The following CUX1 variants were observed in gnomAD, a reference collection of about 807,000 sequenced individuals.
CUX1 encodes the protein protein CASP.
CUX1 carries 31 observed loss-of-function variants against 158.8 expected under a neutral mutation model. The ratio of observed to expected loss-of-function variants is 0.20; its 90% CI spans 0.15 to 0.26. CUX1 has a LOEUF of 0.26. CUX1 is among the 10% of genes least tolerant of loss of function. The probability of loss-of-function intolerance (pLI) is 1.00; values close to 1 mark genes in which losing one functional copy is unlikely to be tolerated. For synonymous variants in CUX1, 879 were observed against 862.1 expected (o/e 1.02, Z -0.34); for missense variants, 1,589 against 2,014.6 (o/e 0.79, Z 4.04).
chr7:101,955,835 A>G (rs975487268), intron 2 of CUX1, among the ~76,000 whole-genome samples: 4 of 151,976 alleles, frequency 2.6e-5, no homozygotes, highest in South Asian at 4.1e-4. Flanking sequence ...AAGAGTCACA[A>G]CTTTTGTTCT....
intron 21 of CUX1, among the ~76,000 whole-genome samples, chr7:102,230,337 T>C (rs1290405450): frequency 2.0e-5 from 3 of 151,558 alleles, no homozygotes; most frequent in South Asian, 2.1e-4. Context: ...TTAAAAATTA[T>C]TATCCAGGCA....
intron 4 of CUX1, among the ~76,000 whole-genome samples, chr7:102,082,422 A>T (rs1554479090): frequency 6.8e-6 from 1 of 146,776 alleles, no homozygotes; most frequent in African/African-American, 2.4e-5. Flanking sequence ...GCTACTCAGG[A>T]GGCTGACGCA....
intron 8 of CUX1, among the ~76,000 whole-genome samples, chr7:102,151,583 A>C (rs1554503610): frequency 6.6e-6 from 1 of 151,758 alleles, no homozygotes; most frequent in African/African-American, 2.4e-5. Context: ...TACAAAAATT[A>C]GCTGTGATTG....
chr7:101,863,766 C>T (rs533761959), intron 1 of CUX1, among the ~76,000 whole-genome samples: 1 of 152,280 alleles, frequency 6.6e-6, no homozygotes, highest in South Asian at 2.1e-4. Context: ...TGCCTTTGAC[C>T]ACTCTAGGTC....
intron 2 of CUX1, among the ~76,000 whole-genome samples, chr7:101,953,700 A>G (rs575250150): frequency 6.0e-4 from 92 of 152,362 alleles, no homozygotes; most frequent in Non-Finnish European, 1.1e-3. Context: ...CTGGATCAGC[A>G]GAGCCTCAGG....
At chr7:102,061,367 G>A (rs1319824160) in intron 3 of CUX1, among the ~76,000 whole-genome samples, 2 of 152,136 alleles carry the variant, frequency 1.3e-5, no homozygotes, top group Non-Finnish European at 2.9e-5. Context: ...AGTGCGCAAT[G>A]CTGGATGTTA....
At chr7:101,922,875 G>A (rs1353076735) in intron 2 of CUX1, among the ~76,000 whole-genome samples, 2 of 152,256 alleles carry the variant, frequency 1.3e-5, no homozygotes, top group African/African-American at 2.4e-5. Context: ...CATGTCAGGA[G>A]GGAGCAGCAG....
rs75620414 is a variant in CUX1 at position 102,248,602 on chromosome 7, G to A, written c.4078G>A (p.Glu1360Lys). The A allele has an allele frequency of 2.1e-3, 3,056 of 1,457,010 alleles. 48 individuals carry two copies. In the African/African-American group the frequency reaches 0.042, roughly 20 times the overall value. The allele number at this position is 1,457,010 out of a possible 1,614,324, so 90.3% of individuals were successfully genotyped here. A position where few individuals can be genotyped will look rare whatever the true frequency, so the allele number is the denominator to read the frequency against. Residue 1360 changes from glutamate to lysine, a missense_variant, in exon 24 of 24, where the codon GAG (glutamate) becomes AAG (lysine). Around this residue, in one of 8 missense-constraint regions of CUX1, gnomAD observed 344 missense variants for 323.7 expected, o/e 1.06. Transcript: ENST00000292535. The surrounding 1 kb of genome is among the most constrained non-coding windows in gnomAD (Gnocchi z 5.8). ...CACCGAGGAGCCCAAGTCTCAGGGA[G>A]AGGCCGAGCGGGAGGAGGTGCCGCG... is the stretch of plus-strand genomic sequence containing the variant. ...ADTEEPKSQGEAEREEVPRPA... is the reference protein window; with the variant it reads ...ADTEEPKSQGKAEREEVPRPA...
chr7:101,886,945 C>T (rs1800288600), intron 1 of CUX1, among the ~76,000 whole-genome samples: 3 of 152,172 alleles, frequency 2.0e-5, no homozygotes, highest in Admixed American at 2.0e-4. Context: ...CAGACCTCAG[C>T]CACAGGATGG....
chr7:101,968,839 C>T (rs975366918), intron 2 of CUX1, among the ~76,000 whole-genome samples: 3 of 152,020 alleles, frequency 2.0e-5, no homozygotes, highest in Admixed American at 1.3e-4. Context: ...GCAAGGTGAC[C>T]CCGGCTCAGC....
At chr7:102,044,680 G>A (rs1822532462) in intron 3 of CUX1, among the ~76,000 whole-genome samples, 1 of 151,948 alleles carries the variant, frequency 6.6e-6, no homozygotes, top group South Asian at 2.1e-4. Flanking sequence ...CCTGCTTCTC[G>A]CCTTCTCCTT....
chr7:101,900,019 T>A (rs1309757287), intron 1 of CUX1, among the ~76,000 whole-genome samples: 1 of 152,212 alleles, frequency 6.6e-6, no homozygotes, highest in Non-Finnish European at 1.5e-5. Context: ...TTACAGAGTC[T>A]AAGTTAAAGA....
In CUX1 at chr7:102,248,110, G is replaced by A. The variant is rs1302846241; in HGVS notation, c.3888-302G>A. Among the ~76,000 whole-genome samples, 6 of 152,208 alleles carry A rather than the reference G, an allele frequency of 3.9e-5. No individual in the cohort carries two copies. Among genetic ancestry groups the A allele is most frequent in the African/African-American group, 1.4e-4 (6 of 41,460 alleles). On this transcript the variant is annotated intron_variant, in intron 23 of 23. Coordinates refer to ENST00000292535, the MANE Select transcript of CUX1 (RefSeq NM_181552.4). The surrounding 1 kb of genome is among the most constrained non-coding windows in gnomAD (Gnocchi z 5.8). ...TGAGCCACTGCACTCCACCTGGGCA[G>A]CAACAGGGAAATTCTGTCTCAAAAA... is the stretch of plus-strand genomic sequence containing the variant.
chr7:102,253,964 ACCC>A lies in CUX1; in HGVS notation c.*4923_*4925del. 3.0e-6 allele frequency: 3 copies of A among 985,304 alleles called. No individual in the cohort carries two copies. The highest frequency in any genetic ancestry group is 3.6e-6 in the Non-Finnish European group (3 of 829,976). The allele number at this position is 985,304 out of a possible 1,614,324, so 61.0% of individuals were successfully genotyped here. A position where few individuals can be genotyped will look rare whatever the true frequency, so the allele number is the denominator to read the frequency against. Reference sequence around the variant, plus strand: ...TAACCTGTCTTCTCCATCTGATGTCACCCAGAACCACACCCCACAGAACTGTGA... The same window carrying A: ...TAACCTGTCTTCTCCATCTGATGTCAAGAACCACACCCCACAGAACTGTGA... On this transcript the variant is annotated 3_prime_UTR_variant, in exon 24 of 24. Transcript: ENST00000292535.
chr7:102,032,446 A>C (rs1820904572), intron 3 of CUX1, among the ~76,000 whole-genome samples: 1 of 149,968 alleles, frequency 6.7e-6, no homozygotes, highest in Non-Finnish European at 1.5e-5. Flanking sequence ...CGGGTGGATC[A>C]CCTGAGGTCA....
chr7:102,157,463 G>A (rs1392607751), intron 8 of CUX1, among the ~76,000 whole-genome samples: 2 of 152,132 alleles, frequency 1.3e-5, no homozygotes, highest in Non-Finnish European at 2.9e-5. Flanking sequence ...ATAGGCTTTT[G>A]GAGTTGGCCG....
chr7:101,918,313 T>C (rs180821299), intron 2 of CUX1, among the ~76,000 whole-genome samples: 4 of 152,374 alleles, frequency 2.6e-5, no homozygotes, highest in Admixed American at 2.6e-4. Flanking sequence ...CAAAGACACC[T>C]GGCCTTAAAC....
rs189877772 is a variant in CUX1, at chr7:101,914,432, G to A, written c.31-1683G>A. The stretch of plus-strand genomic sequence containing the variant: ...CCTCCCTCTTTCCCTCCCTCCCTCC[G>A]TCCTTCCCTCCCTCCGTCCTTCCCT... On this transcript the variant is annotated intron_variant, in intron 1 of 23. Coordinates refer to ENST00000292535, the MANE Select transcript of CUX1 (RefSeq NM_181552.4). 7.9e-3 allele frequency among the ~76,000 whole-genome samples: 741 copies of A among 94,018 alleles called. 4 individuals are homozygous for A. The highest frequency in any genetic ancestry group is 0.039 in the Middle Eastern group (5 of 128). The allele number at this position is 94,018 out of a possible 152,430, so 61.7% of individuals were successfully genotyped here.
intron 11 of CUX1, among the ~76,000 whole-genome samples, chr7:102,184,264 G>A (rs1478114756): frequency 1.3e-5 from 2 of 152,200 alleles, no homozygotes; most frequent in African/African-American, 4.8e-5. Context: ...GCATTGTAAA[G>A]TTTATTATCA....
Sources: gnomAD v4.1 joint callset for allele counts (sites outside exome capture counted in the v4.1 genomes callset) on GRCh38, gnomAD v4.1.1 for gene constraint, gnomAD v4.1.1 regional missense constraint, Gnocchi (gnomAD v3.1) non-coding constraint, MANE v1.5 for transcripts, NCBI Gene and HGNC (gene_info 2026-07-23, HGNC 2026-07-21) for gene names.